MICOS10: variants seen among roughly 807,000 people sequenced by gnomAD.
MICOS10 encodes the protein mitochondrial contact site and cristae organizing system subunit 10, also known as MICOS complex subunit MIC10.
MICOS10 carries 5 observed loss-of-function variants against 13.4 expected under a neutral mutation model. The observed-to-expected ratio is 0.37, with a 90% CI of 0.20 to 0.78. MICOS10 has a LOEUF of 0.78. MICOS10 is among the 30% of genes least tolerant of loss of function. The probability of loss-of-function intolerance (pLI) is 0.47; values close to 1 mark genes in which losing one functional copy is unlikely to be tolerated. For synonymous variants in MICOS10, 35 were observed against 33.6 expected (o/e 1.04, Z -0.15); for missense variants, 101 against 94.6 (o/e 1.07, Z -0.28).
chr1:19,598,879 A>T (rs1485823446), intron 1 of MICOS10, among the ~76,000 whole-genome samples: 1 of 152,056 alleles, frequency 6.6e-6, no homozygotes, highest in African/African-American at 2.4e-5. Context: ...GGCTTTTAAA[A>T]TTTTTTAATG....
intron 1 of MICOS10, among the ~76,000 whole-genome samples, chr1:19,619,862 A>T (rs1236498055): frequency 6.6e-6 from 1 of 152,340 alleles, no homozygotes; most frequent in Middle Eastern, 3.4e-3. Context: ...TGTTAATTCC[A>T]TAAGGCTCCT....
At chr1:19,625,969 C>G (rs1373028630) in intron 3 of MICOS10, among the ~76,000 whole-genome samples, 1 of 152,198 alleles carries the variant, frequency 6.6e-6, no homozygotes, top group Non-Finnish European at 1.5e-5. Context: ...ATCTTTCCCT[C>G]TAGACCTGCC....
At chr1:19,617,953 G>A (rs1371615845) in intron 1 of MICOS10, among the ~76,000 whole-genome samples, 2 of 151,718 alleles carry the variant, frequency 1.3e-5, no homozygotes, top group East Asian at 1.9e-4. Context: ...AGCAAAGCCC[G>A]ATGTGTCATA....
In MICOS10 at chr1:19,599,246, G is replaced by A. The variant is rs534609097; in HGVS notation, c.64+2137G>A. Among the ~76,000 whole-genome samples, 4 of 152,098 alleles carry A rather than the reference G, an allele frequency of 2.6e-5. No individual in the cohort carries two copies. In the East Asian group the frequency reaches 5.8e-4, roughly 22 times the overall value. On this transcript the variant is annotated intron_variant, in intron 1 of 3. Coordinates refer to ENST00000322753, the MANE Select transcript of MICOS10 (RefSeq NM_001032363.4). The stretch of plus-strand genomic sequence containing the variant: ...TATTTTTGTATTTTTTGGTAGAGAC[G>A]GTGTTTTGCCATATTCCTCAGGCCG...
chr1:19,600,932 A>G (rs1300453187), intron 1 of MICOS10: 5 of 1,289,366 alleles, frequency 3.9e-6, no homozygotes, highest in Non-Finnish European at 5.1e-6. Flanking sequence ...TGGCTTGGCA[A>G]AGACTGAAGG....
intron 3 of MICOS10, among the ~76,000 whole-genome samples, chr1:19,624,449 G>C (rs910657293): frequency 1.3e-5 from 2 of 151,764 alleles, no homozygotes; most frequent in Non-Finnish European, 2.9e-5. Context: ...ACTCACGCCC[G>C]GCTAATTTTC....
intron 1 of MICOS10, among the ~76,000 whole-genome samples, chr1:19,601,730 A>G (rs1401492208): frequency 5.9e-5 from 9 of 152,212 alleles, no homozygotes; most frequent in Admixed American, 5.9e-4. Flanking sequence ...AATTAAGCCC[A>G]TGGATCTAAA....
intron 1 of MICOS10, chr1:19,600,971 T>C: frequency 7.8e-7 from 1 of 1,289,398 alleles, no homozygotes; most frequent in Non-Finnish European, 1.0e-6. Flanking sequence ...CAGCAACTTC[T>C]GTGAGTCCTT....
intron 1 of MICOS10, among the ~76,000 whole-genome samples, chr1:19,611,469 A>ATTTTTTT (rs768118529): frequency 0.019 from 1,757 of 90,254 alleles, 292 homozygotes; most frequent in African/African-American, 0.087. Context: ...TTGCAACTTG[A>ATTTTTTT]TTTTTTTTTT....
At chr1:19,612,292 G>A (rs985189418) in intron 1 of MICOS10, among the ~76,000 whole-genome samples, 5 of 150,872 alleles carry the variant, frequency 3.3e-5, no homozygotes, top group South Asian at 4.2e-4. Flanking sequence ...TCCTGACCTC[G>A]TGATCCGCCT....
At chr1:19,619,707 C>T (rs1236143329) in intron 1 of MICOS10, among the ~76,000 whole-genome samples, 3 of 152,072 alleles carry the variant, frequency 2.0e-5, no homozygotes, top group Non-Finnish European at 4.4e-5. Flanking sequence ...ATCTACTAGC[C>T]GGTTTTATGA....
intron 1 of MICOS10, among the ~76,000 whole-genome samples, chr1:19,621,678 A>G (rs2100324873): frequency 6.6e-6 from 1 of 152,262 alleles, no homozygotes; most frequent in South Asian, 2.1e-4. Context: ...TCTTCCTCAA[A>G]AAGTAGCCAT....
chr1:19,612,831 G>T (rs1421279368), intron 1 of MICOS10, among the ~76,000 whole-genome samples: 1 of 152,194 alleles, frequency 6.6e-6, no homozygotes, highest in Admixed American at 6.5e-5. Context: ...TTCAGATGCT[G>T]ACTTCGGATA....
In MICOS10 at chr1:19,623,432, T is replaced by C. The variant is rs758893220; in HGVS notation, c.113-42T>C. 7.0e-6 allele frequency: 9 copies of C among 1,282,612 alleles called. No homozygotes were observed. The South Asian group carries it at 8.6e-5, about 12-fold the overall frequency. The allele number at this position is 1,282,612 out of a possible 1,614,324, so 79.5% of individuals were successfully genotyped here. A position where few individuals can be genotyped will look rare whatever the true frequency, so the allele number is the denominator to read the frequency against. On this transcript the variant is annotated intron_variant, in intron 2 of 3. Transcript: ENST00000322753. ...AGAGGATGGGGAGCTTTATCTTCTC[T>C]TAATAATTCCCTATTGGGATTTTCC...
At position 19,622,108 on chromosome 1, in the gene MICOS10, T is replaced by C. The variant is rs1238311170; in HGVS notation, c.73T>C (p.Phe25Leu). Residue 25 changes from phenylalanine to leucine, a missense_variant, in exon 2 of 4, where the codon TTT becomes CTT. Physicochemically the swap from Phe to Leu is conservative, Grantham distance 22 (BLOSUM62 0). Coordinates refer to ENST00000322753, the MANE Select transcript of MICOS10 (RefSeq NM_001032363.4). ...TTTCTCCCTCTTTGTAGGTACTGGTTTTGGATTAGGAATTGTTTTCTCACT... is the reference window on the plus strand; with the variant it reads ...TTTCTCCCTCTTTGTAGGTACTGGTCTTGGATTAGGAATTGTTTTCTCACT... ...ADAVVKIGTG[F>L]GLGIVFSLTF... The C allele has an allele frequency of 5.0e-6, 8 of 1,611,880 alleles. No homozygotes were observed. In the Admixed American group the frequency reaches 6.7e-5, roughly 13 times the overall value.
At chr1:19,625,487 CATCACA>C in intron 3 of MICOS10, 4 of 1,289,418 alleles carry the variant, frequency 3.1e-6, no homozygotes, top group Non-Finnish European at 4.0e-6. Context: ...AGAGTGAGGT[CATCACA>C]GGGACCATGC....
chr1:19,621,061 T>G (rs533042923), intron 1 of MICOS10, among the ~76,000 whole-genome samples: 1 of 152,330 alleles, frequency 6.6e-6, no homozygotes, highest in Non-Finnish European at 1.5e-5. Context: ...TTTACCTCAT[T>G]TTCTAGTACC....
chr1:19,598,848 G>T (rs192127957), intron 1 of MICOS10, among the ~76,000 whole-genome samples: 69 of 152,194 alleles, frequency 4.5e-4, no homozygotes, highest in African/African-American at 1.6e-3. Flanking sequence ...TATGTATACA[G>T]TAATGGTAGT....
In MICOS10 at chr1:19,626,246, C is replaced by T. The variant is rs2094921663; in HGVS notation, c.223-141C>T. 3 of 909,828 alleles carry T rather than the reference C, an allele frequency of 3.3e-6. No homozygotes were observed. In the East Asian group the frequency reaches 7.7e-5, roughly 23 times the overall value. The allele number at this position is 909,828 out of a possible 1,614,324, so 56.4% of individuals were successfully genotyped here. A position where few individuals can be genotyped will look rare whatever the true frequency, so the allele number is the denominator to read the frequency against. ...GGAACCTAGGTAGGGTGTACATAGT[C>T]CTGTTGTGAGACAGTTTTAACGTAA... On this transcript the variant is annotated intron_variant, in intron 3 of 3. Coordinates refer to ENST00000322753, the MANE Select transcript of MICOS10 (RefSeq NM_001032363.4).
Sources: gnomAD v4.1 joint callset for allele counts (sites outside exome capture counted in the v4.1 genomes callset) on GRCh38, gnomAD v4.1.1 for gene constraint, MANE v1.5 for transcripts, NCBI Gene and HGNC (gene_info 2026-07-23, HGNC 2026-07-21) for gene names.